BMPR1B: variants seen among roughly 807,000 people sequenced by gnomAD.
The protein encoded by BMPR1B is bone morphogenetic protein receptor type-1B.
BMPR1B carries 12 observed loss-of-function variants against 59.1 expected under a neutral mutation model. The observed-to-expected ratio is 0.20, with a 90% CI of 0.13 to 0.33. The LOEUF is 0.33. Ranked by LOEUF, BMPR1B falls within the 10% of genes least tolerant of loss-of-function variation. The pLI, the probability that BMPR1B is intolerant of heterozygous loss-of-function variation, is 1.00. For missense variants in BMPR1B, 550 were observed against 610.9 expected (o/e 0.90, Z 1.05); for synonymous variants, 237 against 207.3 (o/e 1.14, Z -1.23).
intron 1 of BMPR1B, among the ~76,000 whole-genome samples, chr4:94,773,757 A>G (rs927906993): frequency 2.0e-5 from 3 of 152,082 alleles, no homozygotes; most frequent in African/African-American, 7.2e-5. Context: ...TCAATAAGGG[A>G]TAATTTCCCT....
intron 3 of BMPR1B, among the ~76,000 whole-genome samples, chr4:95,064,622 C>T (rs568580604): frequency 2.0e-4 from 31 of 152,208 alleles, no homozygotes; most frequent in South Asian, 4.1e-4. Flanking sequence ...AATATATTTG[C>T]AAATCATGTA....
At chr4:94,941,983 G>C (rs146312931) in intron 2 of BMPR1B, among the ~76,000 whole-genome samples, 8 of 152,316 alleles carry the variant, frequency 5.3e-5, no homozygotes, top group Non-Finnish European at 1.2e-4. Flanking sequence ...TACTATAAAA[G>C]GAATTATCTG....
intron 8 of BMPR1B, among the ~76,000 whole-genome samples, chr4:95,129,397 TC>T (rs1203454680): frequency 6.6e-6 from 1 of 151,268 alleles, no homozygotes; most frequent in Non-Finnish European, 1.5e-5. Context: ...CCTCCCTCCC[TC>T]CCTTTTTTCT....
At chr4:95,090,517 TTGG>T (rs1355787054) in intron 3 of BMPR1B, among the ~76,000 whole-genome samples, 2 of 151,990 alleles carry the variant, frequency 1.3e-5, no homozygotes, top group Non-Finnish European at 2.9e-5. Context: ...GAGTGAACCT[TTGG>T]TGTGAGTGAA....
chr4:95,035,542 T>TC (rs1481619285), intron 3 of BMPR1B, among the ~76,000 whole-genome samples: 1 of 152,150 alleles, frequency 6.6e-6, no homozygotes, highest in Non-Finnish European at 1.5e-5. Context: ...GGGTGTTCTT[T>TC]CCCCCACTTT....
intron 4 of BMPR1B, among the ~76,000 whole-genome samples, chr4:95,112,321 A>C (rs1731687819): frequency 6.6e-6 from 1 of 152,130 alleles, no homozygotes; most frequent in South Asian, 2.1e-4. Context: ...GCAACCAGGC[A>C]GCAGAATGTT....
intron 2 of BMPR1B, among the ~76,000 whole-genome samples, chr4:94,936,960 C>T (rs763984951): frequency 1.8e-4 from 28 of 152,062 alleles, no homozygotes; most frequent in Non-Finnish European, 3.5e-4. Context: ...AATGGATATC[C>T]GAGCCTATCA....
chr4:94,958,063 A>G (rs1366300780), intron 2 of BMPR1B, among the ~76,000 whole-genome samples: 1 of 152,228 alleles, frequency 6.6e-6, no homozygotes, highest in Non-Finnish European at 1.5e-5. Flanking sequence ...CATTCTACTG[A>G]GAAAGCAGAA....
intron 1 of BMPR1B, among the ~76,000 whole-genome samples, chr4:94,788,653 G>T (rs560190907): frequency 3.9e-5 from 6 of 152,104 alleles, no homozygotes; most frequent in Non-Finnish European, 5.9e-5. Flanking sequence ...CTCTTTCTAG[G>T]CAAGTGCAAG....
At chr4:94,922,387 G>A (rs1728724713) in intron 2 of BMPR1B, among the ~76,000 whole-genome samples, 1 of 152,040 alleles carries the variant, frequency 6.6e-6, no homozygotes, top group Admixed American at 6.6e-5. Flanking sequence ...ATTCTATTGT[G>A]CTGTCAACAC....
chr4:94,758,145 G>C (rs1285905019), intron 1 of BMPR1B, 77 bp downstream of exon 1: 1 of 150,150 alleles, frequency 6.7e-6, no homozygotes, highest in African/African-American at 2.4e-5. Flanking sequence ...CCGAGCCGGC[G>C]AGAGCCGGGC....
intron 3 of BMPR1B, among the ~76,000 whole-genome samples, chr4:95,006,865 A>G (rs1578916019): frequency 2.0e-5 from 3 of 152,024 alleles, no homozygotes; most frequent in South Asian, 2.1e-4. Flanking sequence ...AAAACTTTAC[A>G]GTATAATATA....
intron 2 of BMPR1B, among the ~76,000 whole-genome samples, chr4:94,932,146 G>A (rs1729116812): frequency 6.6e-6 from 1 of 152,032 alleles, no homozygotes; most frequent in Admixed American, 6.6e-5. Context: ...CCATTCTTTT[G>A]GTTCCTTACT....
At chr4:94,801,314 T>C (rs1481793961) in intron 1 of BMPR1B, among the ~76,000 whole-genome samples, 1 of 152,184 alleles carries the variant, frequency 6.6e-6, no homozygotes, top group Non-Finnish European at 1.5e-5. Context: ...CCAGGGAAAC[T>C]ATTCCTCTCA....
chr4:94,867,058 A>G (rs1726275180), intron 1 of BMPR1B, among the ~76,000 whole-genome samples: 2 of 150,976 alleles, frequency 1.3e-5, no homozygotes, highest in South Asian at 4.2e-4. Context: ...AACATTTTTC[A>G]CTTATCTTCT....
intron 2 of BMPR1B, among the ~76,000 whole-genome samples, chr4:94,968,199 G>T (rs1204131139): frequency 3.3e-5 from 5 of 152,130 alleles, no homozygotes. Context: ...GAGATGAAAA[G>T]GTAGCCAAAG....
chr4:94,851,944 A>G (rs1012677290), intron 1 of BMPR1B, among the ~76,000 whole-genome samples: 3 of 152,194 alleles, frequency 2.0e-5, no homozygotes, highest in Non-Finnish European at 4.4e-5. Context: ...GGCATAATGT[A>G]GGCTCATAGT....
At position 95,008,664 on chromosome 4, in the gene BMPR1B, G is replaced by A. The variant is rs186216239; in HGVS notation, c.-18+12530G>A. ...ATAAAGAAACAAATTAATTAATTCAGCAACATTAAAATGAAAAATCAAAAC... is the reference window on the plus strand; with the variant it reads ...ATAAAGAAACAAATTAATTAATTCAACAACATTAAAATGAAAAATCAAAAC... On this transcript the variant is annotated intron_variant, in intron 3 of 12. Transcript: ENST00000515059. Among the ~76,000 whole-genome samples, 538 of 151,836 alleles carry A rather than the reference G, an allele frequency of 3.5e-3. 3 individuals carry two copies. The highest frequency in any genetic ancestry group is 0.012 in the African/African-American group (508 of 41,386).
At chr4:94,941,955 C>A (rs1297411924) in intron 2 of BMPR1B, among the ~76,000 whole-genome samples, 1 of 152,188 alleles carries the variant, frequency 6.6e-6, no homozygotes, top group Non-Finnish European at 1.5e-5. Flanking sequence ...TCCACACTTA[C>A]CTTGTATGGT....
Sources: gnomAD v4.1 joint callset for allele counts (sites outside exome capture counted in the v4.1 genomes callset) on GRCh38, gnomAD v4.1.1 for gene constraint, MANE v1.5 for transcripts, NCBI Gene and HGNC (gene_info 2026-07-23, HGNC 2026-07-21) for gene names.